SCNN1A: variants seen among roughly 807,000 people sequenced by gnomAD.
SCNN1A encodes sodium channel epithelial 1 subunit alpha.
In SCNN1A, 65 loss-of-function variants were observed where a neutral mutation model predicts 68.6. The observed-to-expected ratio is 0.95, with a 90% CI of 0.78 to 1.16. SCNN1A has a LOEUF of 1.16. Among genes scored for constraint, SCNN1A ranks in the 50% most tolerant of loss-of-function variants. The probability of loss-of-function intolerance (pLI) is 0.00; values close to 1 mark genes in which losing one functional copy is unlikely to be tolerated. For synonymous variants in SCNN1A, 357 were observed against 353.3 expected (o/e 1.01, Z -0.12); for missense variants, 880 against 865.9 (o/e 1.02, Z -0.20).
At chr12:6,373,032 C>T (rs1231680750) in intron 2 of SCNN1A, among the ~76,000 whole-genome samples, 4 of 152,118 alleles carry the variant, frequency 2.6e-5, no homozygotes, top group Non-Finnish European at 5.9e-5. Flanking sequence ...AATGAGATAC[C>T]CAAGACACCT....
At chr12:6,367,480 G>A (rs182528742) in intron 2 of SCNN1A, among the ~76,000 whole-genome samples, 1 of 152,146 alleles carries the variant, frequency 6.6e-6, no homozygotes, top group Admixed American at 6.5e-5. Flanking sequence ...AAAACACAGG[G>A]AAGAATTCCA....
Position 6,375,540 on chromosome 12 carries a change from C to CGCCG in SCNN1A, c.-91_-90insCGGC, listed in dbSNP as rs1948890142. On this transcript the variant is annotated 5_prime_UTR_variant, in exon 1 of 13. Transcript: ENST00000228916. ...CAGCGGCCTGGCTGGGGAGCCCGCC[C>CGCCG]GCTGGCCGGCCAGGGATGGAAGCGA... is the stretch of plus-strand genomic sequence containing the variant. The CGCCG allele has an allele frequency of 6.5e-7, 1 of 1,534,760 alleles. No homozygotes were observed. The highest frequency in any genetic ancestry group is 1.4e-5 in the African/African-American group (1 of 72,934).
intron 2 of SCNN1A, among the ~76,000 whole-genome samples, chr12:6,369,513 C>A (rs1399423695): frequency 1.3e-5 from 2 of 152,136 alleles, no homozygotes. Context: ...CCCAAAAGGT[C>A]TACTGCTCCT....
Position 6,372,601 on chromosome 12 carries a change from GA to G in SCNN1A, c.416+1766del, listed in dbSNP as rs1305596572. ...CCTAAGAACTGTGCAGGCCTCACCCGATTCACCCCTGCCCTCCCTTTCCATC... is the reference window on the plus strand; with the variant it reads ...CCTAAGAACTGTGCAGGCCTCACCCGTTCACCCCTGCCCTCCCTTTCCATC... On this transcript the variant is annotated intron_variant, in intron 2 of 12. Coordinates refer to ENST00000228916, the MANE Select transcript of SCNN1A (RefSeq NM_001038.6). The surrounding 1 kb of genome is among the most constrained non-coding windows in gnomAD (Gnocchi z 5.8). Among the ~76,000 whole-genome samples, 3 of 152,100 alleles carry G rather than the reference GA, an allele frequency of 2.0e-5. No individual in the cohort carries two copies. The East Asian group carries it at 5.8e-4, about 29-fold the overall frequency.
In SCNN1A at chr12:6,347,748, C is replaced by T; in HGVS notation, c.*125G>A. On this transcript the variant is annotated 3_prime_UTR_variant, in exon 13 of 13. Coordinates refer to ENST00000228916, the MANE Select transcript of SCNN1A (RefSeq NM_001038.6). ...AGCCCTTACCCATCTTGCTTCCCCT[C>T]CACACATCAACGGCAGTTTGGGCGG... 7.3e-6 allele frequency: 6 copies of T among 819,726 alleles called. No individual in the cohort carries two copies. The highest frequency in any genetic ancestry group is 1.0e-5 in the Non-Finnish European group (5 of 490,590). 50.8% of individuals were successfully genotyped at this position (819,726 alleles called of 1,614,324 possible). A position where few individuals can be genotyped will look rare whatever the true frequency, so the allele number is the denominator to read the frequency against.
intron 4 of SCNN1A, among the ~76,000 whole-genome samples, chr12:6,358,580 C>T (rs886271216): frequency 1.4e-5 from 2 of 145,444 alleles, no homozygotes; most frequent in East Asian, 2.0e-4. Context: ...AAATGTGGGC[C>T]GGGCGTGGTG....
chr12:6,357,934 G>A (rs1466271302), intron 4 of SCNN1A, among the ~76,000 whole-genome samples: 1 of 152,176 alleles, frequency 6.6e-6, no homozygotes, highest in Non-Finnish European at 1.5e-5. Flanking sequence ...GGAGGTGGAG[G>A]TTGTCATGAG....
intron 2 of SCNN1A, among the ~76,000 whole-genome samples, chr12:6,367,002 G>C (rs949872516): frequency 1.3e-5 from 2 of 152,296 alleles, no homozygotes; most frequent in African/African-American, 2.4e-5. Context: ...ATTTTGGAAG[G>C]CCAAGTGGGT....
chr12:6,358,377 C>T lies in SCNN1A; in HGVS notation c.876-2497G>A, dbSNP rs192618621. Among the ~76,000 whole-genome samples the T allele has an allele frequency of 1.6e-3, 236 of 152,234 alleles. 1 individual carries two copies. In the South Asian group the frequency reaches 0.02, roughly 13 times the overall value. On this transcript the variant is annotated intron_variant, in intron 4 of 12. Transcript: ENST00000228916. ...CATTTGGAAAAGTCTGGTAGCTCCT[C>T]AAAATGTTAAATATAGAGTTACCAC... is the stretch of plus-strand genomic sequence containing the variant.
chr12:6,351,350 G>A lies in SCNN1A; in HGVS notation c.1361-1945C>T, dbSNP rs530004331. Among the ~76,000 whole-genome samples the A allele has an allele frequency of 6.6e-5, 10 of 152,332 alleles. No homozygotes were observed. Among genetic ancestry groups the A allele is most frequent in the African/African-American group, 2.2e-4 (9 of 41,582 alleles). ...TATGAAAGATTCAGAATAGCCGGGC[G>A]CAGTGGCTCATGCCTGTAATCCCAG... is the stretch of plus-strand genomic sequence containing the variant. On this transcript the variant is annotated intron_variant, in intron 8 of 12. Transcript: ENST00000228916. The surrounding 1 kb of genome is among the most constrained non-coding windows in gnomAD (Gnocchi z 4.2).
At chr12:6,362,766 A>ATCTCCC (rs1429604973) in intron 3 of SCNN1A, among the ~76,000 whole-genome samples, 3 of 150,784 alleles carry the variant, frequency 2.0e-5, no homozygotes, top group Non-Finnish European at 4.4e-5. Flanking sequence ...AGCAGTCTCC[A>ATCTCCC]TCTCCCGAGT....
At chr12:6,348,395 G>A in intron 12 of SCNN1A, 142 bp from the exon 13 acceptor site, 2 of 1,506,242 alleles carry the variant, frequency 1.3e-6, no homozygotes, top group Non-Finnish European at 1.8e-6. Context: ...GCAGCCCCCT[G>A]GGCTCTTTGT....
At chr12:6,362,327 G>A (rs1948593827) in intron 3 of SCNN1A, 86 bp from the exon 4 acceptor site, 1 of 1,198,218 alleles carries the variant, frequency 8.3e-7, no homozygotes, top group Non-Finnish European at 1.2e-6. Context: ...GAGTGATCTG[G>A]GGTTCTGAGG....
At chr12:6,348,844 G>A in intron 11 of SCNN1A, 42 bp from the exon 12 acceptor site, 1 of 1,604,754 alleles carries the variant, frequency 6.2e-7, no homozygotes, top group South Asian at 1.1e-5. Context: ...GGTAGAGGAT[G>A]AATTTCCTGG....
chr12:6,363,798 G>T, intron 2 of SCNN1A, 88 bp from the exon 3 acceptor site: 1 of 1,326,544 alleles, frequency 7.5e-7, no homozygotes. Context: ...TCTGTGCCCC[G>T]GGAGGCCGGT....
chr12:6,355,170 A>G, intron 6 of SCNN1A, 102 bp downstream of exon 6: 1 of 1,337,404 alleles, frequency 7.5e-7, no homozygotes, highest in Non-Finnish European at 1.0e-6. Context: ...CACATGCTCA[A>G]GGCCCACCCC....
chr12:6,347,906 G>A lies in SCNN1A; in HGVS notation c.1977C>T (p.Ala659=). 1.3e-6 allele frequency: 2 copies of A among 1,597,694 alleles called. No individual in the cohort carries two copies. Among genetic ancestry groups the A allele is most frequent in the Non-Finnish European group, 1.7e-6 (2 of 1,171,980 alleles). The part of the protein sequence containing the change: ...PRPSPGGSAG[A]SSSTCPLGGP ...CCCCCAGAGGACAGGTGGAGGAACT[G>A]GCCCCTGCAGAGCCCCCTGGAGATG... The change falls in exon 13 of 13, where the codon GCC becomes GCT. Residue 659 remains alanine, a synonymous_variant. Coordinates refer to ENST00000228916, the MANE Select transcript of SCNN1A (RefSeq NM_001038.6).
Position 6,347,669 on chromosome 12 carries a change from G to A in SCNN1A, c.*204C>T, listed in dbSNP as rs549794482. 1.4e-5 allele frequency: 9 copies of A among 624,278 alleles called. No individual in the cohort carries two copies. The highest frequency in any genetic ancestry group is 2.6e-5 in the Non-Finnish European group (9 of 346,416). 38.7% of individuals were successfully genotyped at this position (624,278 alleles called of 1,614,324 possible). A position where few individuals can be genotyped will look rare whatever the true frequency, so the allele number is the denominator to read the frequency against. ...CAGTACCAAGGGGTACAGGGCTGGA[G>A]CCAAGGCACTTCTGGGCAGCTTCAT... On this transcript the variant is annotated 3_prime_UTR_variant, in exon 13 of 13. Coordinates refer to ENST00000228916, the MANE Select transcript of SCNN1A (RefSeq NM_001038.6).
Position 6,347,622 on chromosome 12 carries a change from G to C in SCNN1A, c.*251C>G, listed in dbSNP as rs1274648110. On this transcript the variant is annotated 3_prime_UTR_variant, in exon 13 of 13. Transcript: ENST00000228916. ...AAAGAGACTTAGCCGCAGTTGGGTG[G>C]GGAAACCAGAGTGTTCAGAGGCAGT... The C allele has an allele frequency of 3.8e-6, 2 of 526,640 alleles. No individual in the cohort carries two copies. Among genetic ancestry groups the C allele is most frequent in the East Asian group, 5.9e-5 (2 of 34,038 alleles). 32.6% of individuals were successfully genotyped at this position (526,640 alleles called of 1,614,324 possible).
Sources: gnomAD v4.1 joint callset for allele counts (sites outside exome capture counted in the v4.1 genomes callset) on GRCh38, gnomAD v4.1.1 for gene constraint, Gnocchi (gnomAD v3.1) non-coding constraint, MANE v1.5 for transcripts, NCBI Gene and HGNC (gene_info 2026-07-23, HGNC 2026-07-21) for gene names.